LAMB1: variants seen among roughly 807,000 people sequenced by gnomAD.
The protein encoded by LAMB1 is laminin subunit beta-1.
Under a neutral mutation model 222.3 loss-of-function variants are expected in LAMB1, and 121 were observed. That is an observed-to-expected ratio of 0.54 (90% confidence interval 0.47 to 0.63). LAMB1 has a LOEUF of 0.63. Ranked by LOEUF, LAMB1 falls within the 30% of genes least tolerant of loss-of-function variation. The pLI is 0.00. For synonymous variants in LAMB1, 794 were observed against 807.2 expected (o/e 0.98, Z 0.28); for missense variants, 2,172 against 2,240.8 (o/e 0.97, Z 0.62).
Position 108,001,636 on chromosome 7 carries a change from G to GC in LAMB1, c.134dup (p.Arg46ProfsTer42). The GC allele has an allele frequency of 6.2e-7, 1 of 1,613,254 alleles. No individual in the cohort carries two copies. On this transcript the variant is annotated frameshift_variant, in exon 3 of 34. Coordinates refer to ENST00000222399, the MANE Select transcript of LAMB1 (RefSeq NM_002291.3). LOFTEE classifies it high-confidence loss of function. ...AGGTCACCGAAAGCTTCTGTGCTCG[G>GC]CCGATGAGAAGGTCGCCCGTGGCGG...
At chr7:107,952,315 C>T (rs2033275828) in intron 22 of LAMB1, 92 bp from the exon 23 acceptor site, 1 of 892,868 alleles carries the variant, frequency 1.1e-6, no homozygotes, top group African/African-American at 1.7e-5. Context: ...GATGTTCCCA[C>T]TTCACATCTT....
chr7:108,002,312 A>C, intron 2 of LAMB1: 1 of 1,311,872 alleles, frequency 7.6e-7, no homozygotes, highest in Non-Finnish European at 1.0e-6. Context: ...AGGGGAGCCC[A>C]TGGACAGTCC....
chr7:107,944,126 A>C (rs2033058957), intron 24 of LAMB1, among the ~76,000 whole-genome samples: 1 of 152,236 alleles, frequency 6.6e-6, no homozygotes, highest in Non-Finnish European at 1.5e-5. Context: ...TAGATGATGC[A>C]AAGGTATACC....
intron 24 of LAMB1, among the ~76,000 whole-genome samples, chr7:107,940,758 C>T (rs1001555524): frequency 1.3e-5 from 2 of 152,148 alleles, no homozygotes; most frequent in South Asian, 2.1e-4. Flanking sequence ...TTTGCAACTC[C>T]GGAGTCTATA....
At chr7:107,940,503 G>T (rs2032956305) in intron 24 of LAMB1, 145 bp from the exon 25 acceptor site, 7 of 787,302 alleles carry the variant, frequency 8.9e-6, no homozygotes, top group Non-Finnish European at 1.4e-5. Flanking sequence ...GGTAGAGACT[G>T]TAGCAGCTTC....
At position 108,001,597 on chromosome 7, in the gene LAMB1, C is replaced by G. The variant is rs2034385137; in HGVS notation, c.174G>C (p.Leu58=). 1 of 1,612,550 alleles carries G rather than the reference C, an allele frequency of 6.2e-7. No individual in the cohort carries two copies. Among genetic ancestry groups the G allele is most frequent in the African/African-American group, 1.3e-5 (1 of 74,932 alleles). The change falls in exon 3 of 34, where the codon CTG becomes CTC. Residue 58 remains leucine (L), a synonymous_variant. Transcript: ENST00000222399. ...CGATACAGTAGGGTTCGGGCTTGTG[C>G]AGCCCGCACGTCGAGGTCACCGAAA... ...QKLSVTSTCG[L]HKPEPYCIVS... is the part of the protein sequence containing the mutation.
At chr7:107,951,067 G>T in intron 24 of LAMB1, 159 bp downstream of exon 24, 1 of 604,506 alleles carries the variant, frequency 1.7e-6, no homozygotes, top group Non-Finnish European at 3.0e-6. Flanking sequence ...TTGTTAGATT[G>T]TTTTTTAAAC....
At chr7:107,992,079 T>C (rs1432467371) in intron 5 of LAMB1, among the ~76,000 whole-genome samples, 2 of 152,152 alleles carry the variant, frequency 1.3e-5, no homozygotes, top group Non-Finnish European at 1.5e-5. Context: ...CAAATCTACA[T>C]AGCACTTGCT....
chr7:107,947,972 A>ATCT (rs757631649), intron 24 of LAMB1, among the ~76,000 whole-genome samples: 5 of 135,174 alleles, frequency 3.7e-5, no homozygotes, highest in South Asian at 2.4e-4. Context: ...AACATTTTAT[A>ATCT]TCTTCTTCTT....
At chr7:107,951,082 A>G (rs527352885) in intron 24 of LAMB1, 144 bp downstream of exon 24, 2 of 621,084 alleles carry the variant, frequency 3.2e-6, no homozygotes, top group Non-Finnish European at 5.8e-6. Flanking sequence ...TTAAACAATC[A>G]GTGTTAATTT....
intron 24 of LAMB1, among the ~76,000 whole-genome samples, chr7:107,945,935 G>T (rs1484740875): frequency 6.6e-6 from 1 of 152,102 alleles, no homozygotes; most frequent in African/African-American, 2.4e-5. Flanking sequence ...CTGCTATCTT[G>T]TTACTTCATT....
intron 3 of LAMB1, among the ~76,000 whole-genome samples, chr7:107,999,610 G>A (rs1439084883): frequency 6.6e-6 from 1 of 152,096 alleles, no homozygotes; most frequent in East Asian, 1.9e-4. Context: ...TGCATTAGGA[G>A]CCTGGATAAA....
intron 2 of LAMB1, among the ~76,000 whole-genome samples, chr7:108,002,572 G>A (rs2034412232): frequency 1.3e-5 from 2 of 152,226 alleles, no homozygotes; most frequent in Admixed American, 6.5e-5. Context: ...AGGGTGAACC[G>A]GCCGAGGGTG....
chr7:107,975,772 G>A lies in LAMB1; in HGVS notation c.1106C>T (p.Thr369Ile). 1.2e-6 allele frequency: 2 copies of A among 1,613,990 alleles called. No individual in the cohort carries two copies. Among genetic ancestry groups the A allele is most frequent in the Non-Finnish European group, 1.7e-6 (2 of 1,180,002 alleles). ...GCACTGCTCACAGTTGCGCCCCATG[G>A]TGTTGTGCTGACAGTCATCACACAC... ...GGVCDDCQHNTMGRNCEQCKP... is the reference protein window; with the variant it reads ...GGVCDDCQHNIMGRNCEQCKP... Residue 369 changes from threonine to isoleucine, a missense_variant, in exon 10 of 34, where the codon ACC (threonine) becomes ATC (isoleucine). Transcript: ENST00000222399.
chr7:107,931,243 T>C, intron 29 of LAMB1, 113 bp downstream of exon 29: 4 of 909,294 alleles, frequency 4.4e-6, no homozygotes, highest in Non-Finnish European at 6.7e-6. Flanking sequence ...ACGGACGTTT[T>C]TCTTATTTGG....
At chr7:107,982,203 A>G (rs1418925548) in intron 7 of LAMB1, among the ~76,000 whole-genome samples, 1 of 152,198 alleles carries the variant, frequency 6.6e-6, no homozygotes, top group Non-Finnish European at 1.5e-5. Flanking sequence ...GGTTTTCGTG[A>G]GTTACTAAGT....
intron 27 of LAMB1, among the ~76,000 whole-genome samples, chr7:107,934,513 T>G (rs1182037325): frequency 2.0e-5 from 3 of 152,146 alleles, no homozygotes; most frequent in African/African-American, 7.2e-5. Flanking sequence ...TTCTGCCTGA[T>G]TTTCATTAAA....
chr7:107,927,185 T>C (rs946799983), intron 31 of LAMB1, among the ~76,000 whole-genome samples: 4 of 152,186 alleles, frequency 2.6e-5, no homozygotes, highest in African/African-American at 9.7e-5. Context: ...TTTGTAAATA[T>C]TTCAAACCTA....
At position 107,935,554 on chromosome 7, in the gene LAMB1, G is replaced by A; in HGVS notation, c.4049C>T (p.Ala1350Val). 3 of 1,613,840 alleles carry A rather than the reference G, an allele frequency of 1.9e-6. No individual in the cohort carries two copies. The highest frequency in any genetic ancestry group is 2.5e-6 in the Non-Finnish European group (3 of 1,179,968). Residue 1350 changes from alanine (A) to valine (V), a missense_variant, in exon 27 of 34, where the codon GCC (alanine) becomes GTC (valine). Ala to Val is a moderately conservative substitution (Grantham distance 64). Coordinates refer to ENST00000222399, the MANE Select transcript of LAMB1 (RefSeq NM_002291.3). ...TEPNSTVEQS[A>V]LMRDRVEDVM... ...GTCTTCTACTCTGTCTCTCATGAGG[G>A]CTGACTGCTCCACAGTGCTGTTGGG... is the stretch of plus-strand genomic sequence containing the variant.
Sources: allele counts gnomAD v4.1 joint callset (sites outside exome capture counted in the v4.1 genomes callset), GRCh38; gene constraint gnomAD v4.1.1; transcripts MANE v1.5; gene names NCBI Gene and HGNC (gene_info 2026-07-23, HGNC 2026-07-21).